Variants in NAV3 observed in about 807,000 individuals in gnomAD.
NAV3 encodes pore membrane and/or filament interacting like protein 1.
NAV3 carries 87 observed loss-of-function variants against 244.7 expected under a neutral mutation model. The ratio of observed to expected loss-of-function variants is 0.36; its 90% CI spans 0.30 to 0.42. The LOEUF (loss-of-function observed/expected upper bound fraction) is 0.42, where lower values mean the gene tolerates loss of function less well. Among genes scored for constraint, NAV3 ranks in the 20% least tolerant of loss-of-function variants. The pLI is 1.00. For missense variants in NAV3, 2,663 were observed against 2,893.3 expected (o/e 0.92, Z 1.83); for synonymous variants, 1,126 against 1,042.2 (o/e 1.08, Z -1.55).
intron 5 of NAV3, among the ~76,000 whole-genome samples, chr12:77,994,189 C>T (rs1243825980): frequency 6.6e-6 from 1 of 152,164 alleles, no homozygotes; most frequent in Non-Finnish European, 1.5e-5. Flanking sequence ...AGAACTTAAG[C>T]CCACTTTAAT....
intron 1 of NAV3, among the ~76,000 whole-genome samples, chr12:77,906,175 G>T (rs928654884): frequency 6.6e-6 from 1 of 151,926 alleles, no homozygotes; most frequent in Non-Finnish European, 1.5e-5. Flanking sequence ...AATGAGAGAA[G>T]AATAAAGCAG....
chr12:77,692,535 AC>A (rs1343498411), intron 2 of NAV3, among the ~76,000 whole-genome samples: 1 of 151,984 alleles, frequency 6.6e-6, no homozygotes, highest in African/African-American at 2.4e-5. Flanking sequence ...GATACAGTAA[AC>A]CTCGCTCTAT....
At chr12:77,946,181 C>T (rs1451589581) in intron 3 of NAV3, among the ~76,000 whole-genome samples, 1 of 148,184 alleles carries the variant, frequency 6.7e-6, no homozygotes, top group Non-Finnish European at 1.5e-5. Context: ...AGCACTATGA[C>T]TCAAAGGAGT....
chr12:77,707,882 A>C (rs1467873726), intron 2 of NAV3, among the ~76,000 whole-genome samples: 1 of 151,988 alleles, frequency 6.6e-6, no homozygotes, highest in African/African-American at 2.4e-5. Flanking sequence ...GTCTGTTCAT[A>C]CCCTTTGCTC....
At position 78,099,456 on chromosome 12, in the gene NAV3, C is replaced by G. The variant is rs543456733; in HGVS notation, c.2637-17316C>G. ...TGGTGGTTACTTCTGGGTGGGAATA[C>G]AGATGATTTACTTTGTTCCTTTTAT... On this transcript the variant is annotated intron_variant, in intron 12 of 39. Transcript: ENST00000397909. Among the ~76,000 whole-genome samples the G allele has an allele frequency of 7.9e-5, 12 of 151,866 alleles. No homozygotes were observed. In the South Asian group the frequency reaches 2.3e-3, roughly 29 times the overall value.
intron 2 of NAV3, among the ~76,000 whole-genome samples, chr12:77,745,089 C>T (rs1432694134): frequency 6.6e-6 from 1 of 151,782 alleles, no homozygotes; most frequent in South Asian, 2.1e-4. Context: ...ACTAATGTCG[C>T]CTCATGTTAT....
chr12:77,886,132 G>A (rs1284189347), intron 1 of NAV3, among the ~76,000 whole-genome samples: 2 of 152,074 alleles, frequency 1.3e-5, no homozygotes, highest in African/African-American at 4.8e-5. Context: ...ACTGCTGCCT[G>A]AGAAATGTAA....
chr12:78,020,259 A>G (rs551532623), intron 8 of NAV3, among the ~76,000 whole-genome samples: 9 of 152,302 alleles, frequency 5.9e-5, no homozygotes, highest in African/African-American at 2.2e-4. Context: ...AAGGTAGTAC[A>G]GTTTGATAAA....
intron 12 of NAV3, among the ~76,000 whole-genome samples, chr12:78,061,684 A>C (rs537595860): frequency 2.4e-4 from 37 of 152,062 alleles, no homozygotes; most frequent in African/African-American, 8.9e-4. Context: ...TAGTTGTATG[A>C]CTCTTTCAGT....
intron 14 of NAV3, among the ~76,000 whole-genome samples, chr12:78,118,799 A>G (rs1955535718): frequency 6.6e-6 from 1 of 152,218 alleles, no homozygotes; most frequent in African/African-American, 2.4e-5. Flanking sequence ...AAATTGTGCC[A>G]TACTTTTTTT....
At chr12:77,939,684 G>T (rs1478446592) in intron 1 of NAV3, among the ~76,000 whole-genome samples, 1 of 152,032 alleles carries the variant, frequency 6.6e-6, no homozygotes, top group Admixed American at 6.6e-5. Context: ...TGTCAATTTT[G>T]TGCCTTATAA....
At chr12:77,582,825 C>A (rs1478588116) in intron 2 of NAV3, among the ~76,000 whole-genome samples, 1 of 152,096 alleles carries the variant, frequency 6.6e-6, no homozygotes, top group African/African-American at 2.4e-5. Context: ...GAATGGGAAC[C>A]GGGGCCTGTC....
intron 2 of NAV3, among the ~76,000 whole-genome samples, chr12:77,719,119 G>T (rs571508777): frequency 2.6e-5 from 4 of 152,148 alleles, no homozygotes; most frequent in South Asian, 2.1e-4. Context: ...ATTTTGGATT[G>T]CTCATTGTTA....
intron 16 of NAV3, among the ~76,000 whole-genome samples, chr12:78,124,546 C>G (rs889071507): frequency 6.6e-6 from 1 of 152,078 alleles, no homozygotes; most frequent in Non-Finnish European, 1.5e-5. Context: ...CTCTGCTTCC[C>G]GAGTTCAAGC....
intron 2 of NAV3, among the ~76,000 whole-genome samples, chr12:77,774,523 G>T (rs1870252591): frequency 6.6e-6 from 1 of 152,080 alleles, no homozygotes; most frequent in East Asian, 1.9e-4. Context: ...TGAAAGAGAG[G>T]CAGGGTACAT....
chr12:77,919,713 G>A (rs1887519746), intron 1 of NAV3, among the ~76,000 whole-genome samples: 1 of 151,986 alleles, frequency 6.6e-6, no homozygotes, highest in South Asian at 2.1e-4. Context: ...TTCCTTATGA[G>A]AATAGGCATG....
intron 1 of NAV3, among the ~76,000 whole-genome samples, chr12:77,842,255 AC>A: frequency 6.6e-6 from 1 of 152,116 alleles, no homozygotes; most frequent in East Asian, 1.9e-4. Flanking sequence ...ATACACAAAT[AC>A]CATATAAAAA....
chr12:77,953,838 A>G (rs1891119498), intron 3 of NAV3, among the ~76,000 whole-genome samples: 1 of 152,154 alleles, frequency 6.6e-6, no homozygotes, highest in South Asian at 2.1e-4. Context: ...TTTGATTTCT[A>G]CTACTTTACT....
At chr12:77,767,427 T>C (rs1869832586) in intron 2 of NAV3, among the ~76,000 whole-genome samples, 1 of 152,094 alleles carries the variant, frequency 6.6e-6, no homozygotes, top group Admixed American at 6.5e-5. Flanking sequence ...GGCCTGGTAG[T>C]CTGCACTTGG....
Sources: gnomAD v4.1 joint callset for allele counts (sites outside exome capture counted in the v4.1 genomes callset) on GRCh38, gnomAD v4.1.1 for gene constraint, MANE v1.5 for transcripts, NCBI Gene and HGNC (gene_info 2026-07-23, HGNC 2026-07-21) for gene names.